The following HDAC4 variants were observed in gnomAD, a reference collection of about 807,000 sequenced individuals.
HDAC4 encodes histone deacetylase A.
Under a neutral mutation model 135.1 loss-of-function variants are expected in HDAC4, and 16 were observed. The ratio of observed to expected loss-of-function variants is 0.12; its 90% confidence interval spans 0.08 to 0.18. The LOEUF (loss-of-function observed/expected upper bound fraction) is 0.18, where lower values mean the gene tolerates loss of function less well. Ranked by LOEUF, HDAC4 falls within the 10% of genes least tolerant of loss-of-function variation. The pLI is 1.00. For missense variants in HDAC4, 1,143 were observed against 1,511.8 expected (o/e 0.76, Z 4.05); for synonymous variants, 685 against 653.4 (o/e 1.05, Z -0.74).
intron 2 of HDAC4, among the ~76,000 whole-genome samples, chr2:239,321,837 T>A (rs2053325876): frequency 6.6e-6 from 1 of 152,216 alleles, no homozygotes; most frequent in Admixed American, 6.5e-5. Context: ...CAGGGCAGCA[T>A]CTATCCCTGA....
intron 15 of HDAC4, among the ~76,000 whole-genome samples, chr2:239,106,182 C>T (rs752736751): frequency 3.3e-5 from 5 of 152,078 alleles, no homozygotes; most frequent in Non-Finnish European, 7.4e-5. Flanking sequence ...GAGCCGAGGG[C>T]GGGCGGAGGA....
At chr2:239,318,315 C>T (rs1050157710) in intron 2 of HDAC4, among the ~76,000 whole-genome samples, 6 of 152,212 alleles carry the variant, frequency 3.9e-5, no homozygotes, top group Admixed American at 2.0e-4. Context: ...AATCCAATCA[C>T]GAGGAAACAT....
At chr2:239,329,141 C>A (rs531118433) in intron 2 of HDAC4, among the ~76,000 whole-genome samples, 4 of 152,172 alleles carry the variant, frequency 2.6e-5, no homozygotes, top group African/African-American at 9.6e-5. Flanking sequence ...GCCAACCCCC[C>A]ACATCCCCCC....
chr2:239,059,575 G>A (rs996481897), intron 24 of HDAC4, among the ~76,000 whole-genome samples: 4 of 152,114 alleles, frequency 2.6e-5, no homozygotes, highest in Admixed American at 1.3e-4. Context: ...AGACATTTCT[G>A]GTAAAATGTA....
In HDAC4 at chr2:239,048,823, C is replaced by G. The variant is rs898426524; in HGVS notation, c.*4274G>C. ...ATAATTGTAAACCACAGTGCTCGCACAGTTCACGACTGCTTAAAGTGAAAT... is the reference window on the plus strand; with the variant it reads ...ATAATTGTAAACCACAGTGCTCGCAGAGTTCACGACTGCTTAAAGTGAAAT... On this transcript the variant is annotated 3_prime_UTR_variant, in exon 27 of 27. Transcript: ENST00000543185. The G allele has an allele frequency of 6.6e-6, 1 of 152,204 alleles. No individual in the cohort carries two copies. The highest frequency in any genetic ancestry group is 2.4e-5 in the African/African-American group (1 of 41,428). The allele number at this position is 152,204 out of a possible 1,614,324, so 9.4% of individuals were successfully genotyped here.
chr2:239,104,406 T>C (rs1019497295), intron 15 of HDAC4, among the ~76,000 whole-genome samples: 1 of 152,166 alleles, frequency 6.6e-6, no homozygotes, highest in Non-Finnish European at 1.5e-5. Flanking sequence ...TTTTTGTATT[T>C]TTATCAGACA....
rs940597742 is a variant in HDAC4 at position 239,285,580 on chromosome 2, T to C, written c.23-48916A>G. ...AGAGAAAGCTGGCCAAAGGTTGGGC[T>C]TTTGAAGTACTAGAAACTTCCTCTT... On this transcript the variant is annotated intron_variant, in intron 2 of 26. Coordinates refer to ENST00000543185, the MANE Select transcript of HDAC4 (RefSeq NM_001378414.1). This position sits in a 1 kb window ranked among gnomAD's most constrained non-coding sequence, Gnocchi z 4.5. 6.6e-6 allele frequency among the ~76,000 whole-genome samples: 1 copy of C among 152,168 alleles called. No individual in the cohort carries two copies. Among genetic ancestry groups the C allele is most frequent in the African/African-American group, 2.4e-5 (1 of 41,442 alleles).
intron 12 of HDAC4, among the ~76,000 whole-genome samples, chr2:239,122,428 G>A (rs570908683): frequency 1.3e-5 from 2 of 152,316 alleles, no homozygotes; most frequent in Admixed American, 6.5e-5. Flanking sequence ...CAGCGAACAC[G>A]GAGGGCCAGT....
intron 4 of HDAC4, among the ~76,000 whole-genome samples, chr2:239,189,058 G>A (rs1054945738): frequency 6.6e-6 from 1 of 152,226 alleles, no homozygotes; most frequent in Non-Finnish European, 1.5e-5. Context: ...GGGTAATTTT[G>A]TTACACAGAT....
In HDAC4 at chr2:239,139,578, T is replaced by C. The variant is rs1227547966; in HGVS notation, c.978+106A>G. Reference sequence around the variant, plus strand: ...CAGGCCACTTTCCCTCACCCCAAATTGGAAGGTGAAGAGTGAAGGGCAAGT... The same window carrying C: ...CAGGCCACTTTCCCTCACCCCAAATCGGAAGGTGAAGAGTGAAGGGCAAGT... On this transcript the variant is annotated intron_variant, in intron 9 of 26. Coordinates refer to ENST00000543185, the MANE Select transcript of HDAC4 (RefSeq NM_001378414.1). The surrounding 1 kb of genome is among the most constrained non-coding windows in gnomAD (Gnocchi z 5.3). 10 of 1,034,632 alleles carry C rather than the reference T, an allele frequency of 9.7e-6. No homozygotes were observed. Among genetic ancestry groups the C allele is most frequent in the Admixed American group, 1.7e-5 (1 of 59,136 alleles). The allele number at this position is 1,034,632 out of a possible 1,614,324, so 64.1% of individuals were successfully genotyped here. A position where few individuals can be genotyped will look rare whatever the true frequency, so the allele number is the denominator to read the frequency against.
chr2:239,090,888 C>T (rs12472246), intron 17 of HDAC4, among the ~76,000 whole-genome samples: 11,445 of 152,254 alleles, frequency 0.075, 579 homozygotes, highest in Admixed American at 0.14. Context: ...AGGGGAATCA[C>T]GACCAGTCTC....
intron 2 of HDAC4, among the ~76,000 whole-genome samples, chr2:239,335,866 C>T (rs1012867405): frequency 2.0e-5 from 3 of 152,236 alleles, no homozygotes; most frequent in Admixed American, 2.0e-4. Context: ...ATTTGAAGAA[C>T]TGTTTGGCAC....
In HDAC4 at chr2:239,352,054, C is replaced by G. The variant is rs1040303422; in HGVS notation, c.22+624G>C. ...CGTAAATGGATGGGCCCATGACATG[C>G]TTCTGAAGCTCAGAGCAGGACAAGC... On this transcript the variant is annotated intron_variant, in intron 2 of 26. Transcript: ENST00000543185. The surrounding 1 kb of genome is among the most constrained non-coding windows in gnomAD (Gnocchi z 4.4). 6.6e-6 allele frequency among the ~76,000 whole-genome samples: 1 copy of G among 152,222 alleles called. No individual in the cohort carries two copies. Among genetic ancestry groups the G allele is most frequent in the African/African-American group, 2.4e-5 (1 of 41,460 alleles).
chr2:239,307,432 C>T lies in HDAC4; in HGVS notation c.22+45246G>A, dbSNP rs1214219849. 6.6e-6 allele frequency among the ~76,000 whole-genome samples: 1 copy of T among 152,176 alleles called. No individual in the cohort carries two copies. Among genetic ancestry groups the T allele is most frequent in the Non-Finnish European group, 1.5e-5 (1 of 68,036 alleles). ...GGGCTTGAAGGATGGGTACCCCAAG[C>T]TGTCAAAAGACCAAGTGGCTACAAA... On this transcript the variant is annotated intron_variant, in intron 2 of 26. Coordinates refer to ENST00000543185, the MANE Select transcript of HDAC4 (RefSeq NM_001378414.1). This position sits in a 1 kb window ranked among gnomAD's most constrained non-coding sequence, Gnocchi z 4.8.
At chr2:239,224,340 C>G (rs769142325) in intron 3 of HDAC4, among the ~76,000 whole-genome samples, 1 of 152,220 alleles carries the variant, frequency 6.6e-6, no homozygotes, top group Admixed American at 6.5e-5. Flanking sequence ...CGATGCCTGT[C>G]CCACGTGGCC....
intron 9 of HDAC4, 68 bp from the exon 10 acceptor site, chr2:239,134,711 A>T: frequency 8.6e-7 from 1 of 1,161,370 alleles, no homozygotes; most frequent in Non-Finnish European, 1.3e-6. Context: ...TACACCAAGA[A>T]AAACAACGAT....
chr2:239,088,987 T>C (rs545209967), intron 18 of HDAC4, among the ~76,000 whole-genome samples: 5 of 152,298 alleles, frequency 3.3e-5, no homozygotes, highest in Admixed American at 1.3e-4. Context: ...CAATCACCCA[T>C]GAACGAAGGA....
chr2:239,131,757 G>C (rs547686909), intron 11 of HDAC4, among the ~76,000 whole-genome samples: 1 of 152,360 alleles, frequency 6.6e-6, no homozygotes, highest in East Asian at 1.9e-4. Context: ...GTGACAATGA[G>C]AACATTCAGG....
chr2:239,314,212 A>G (rs1359884601), intron 2 of HDAC4, among the ~76,000 whole-genome samples: 1 of 152,228 alleles, frequency 6.6e-6, no homozygotes, highest in Non-Finnish European at 1.5e-5. Context: ...CCTCAAAAAA[A>G]CATCCAAGAA....
Sources: allele counts gnomAD v4.1 joint callset (sites outside exome capture counted in the v4.1 genomes callset), GRCh38; gene constraint gnomAD v4.1.1; non-coding constraint Gnocchi (gnomAD v3.1); transcripts MANE v1.5; gene names NCBI Gene and HGNC (gene_info 2026-07-23, HGNC 2026-07-21).